The following OTOA variants were observed in gnomAD, a reference collection of about 807,000 sequenced individuals.
OTOA encodes the protein otoancorin.
Under a neutral mutation model 110.8 loss-of-function variants are expected in OTOA, and 70 were observed. That is an observed-to-expected ratio of 0.63 (90% CI 0.52 to 0.77). The LOEUF (loss-of-function observed/expected upper bound fraction) is 0.77. Ranked by LOEUF, OTOA falls within the 30% of genes least tolerant of loss-of-function variation. The probability of loss-of-function intolerance (pLI) is 0.00; values close to 1 mark genes in which losing one functional copy is unlikely to be tolerated. For synonymous variants in OTOA, 373 were observed against 431.5 expected (o/e 0.86, Z 1.68); for missense variants, 917 against 1,075.8 (o/e 0.85, Z 2.06).
intron 11 of OTOA, chr16:21,704,813 C>G: frequency 1.4e-6 from 1 of 711,402 alleles, no homozygotes; most frequent in Non-Finnish European, 2.6e-6. Flanking sequence ...GTTTTATAGG[C>G]GGAGGGTAAT....
intron 7 of OTOA, among the ~76,000 whole-genome samples, chr16:21,685,801 G>A (rs1188584754): frequency 6.6e-6 from 1 of 152,064 alleles, no homozygotes; most frequent in Non-Finnish European, 1.5e-5. Context: ...TGATTTGCCT[G>A]CCTCGGCATC....
chr16:21,682,268 C>T (rs183906848), intron 6 of OTOA, among the ~76,000 whole-genome samples: 1 of 152,282 alleles, frequency 6.6e-6, no homozygotes, highest in African/African-American at 2.4e-5. Flanking sequence ...TTTCTCCAAT[C>T]CAGGGGATGG....
chr16:21,721,622 C>A, intron 17 of OTOA: 1 of 395,356 alleles, frequency 2.5e-6, no homozygotes. Flanking sequence ...GTCACAATGA[C>A]TCATGCCTGT....
chr16:21,757,873 C>A (rs1900046489), intron 28 of OTOA, among the ~76,000 whole-genome samples: 1 of 152,140 alleles, frequency 6.6e-6, no homozygotes, highest in South Asian at 2.1e-4. Context: ...CCACCTCAGC[C>A]TCCCAAAGTG....
intron 1 of OTOA, among the ~76,000 whole-genome samples, chr16:21,666,932 T>C (rs918035844): frequency 6.6e-6 from 1 of 152,034 alleles, no homozygotes; most frequent in Non-Finnish European, 1.5e-5. Context: ...AACCTCTCTG[T>C]AGGGTTAATA....
chr16:21,691,487 C>A, intron 8 of OTOA, 97 bp from the exon 9 acceptor site: 2 of 994,506 alleles, frequency 2.0e-6, no homozygotes, highest in Non-Finnish European at 3.2e-6. Context: ...GGTTTTAACA[C>A]AAGACAGCTT....
intron 21 of OTOA, among the ~76,000 whole-genome samples, chr16:21,735,499 T>G (rs1899261956): frequency 6.6e-6 from 1 of 152,118 alleles, no homozygotes; most frequent in Admixed American, 6.6e-5. Flanking sequence ...TCAATAAGAT[T>G]TGGGTGGGGT....
chr16:21,701,712 G>A (rs1898056532), intron 11 of OTOA, among the ~76,000 whole-genome samples: 1 of 152,212 alleles, frequency 6.6e-6, no homozygotes, highest in Admixed American at 6.5e-5. Flanking sequence ...TCCACCTCCT[G>A]GGTTCAAGCA....
At chr16:21,717,654 G>T (rs1898599628) in intron 15 of OTOA, among the ~76,000 whole-genome samples, 1 of 152,116 alleles carries the variant, frequency 6.6e-6, no homozygotes, top group South Asian at 2.1e-4. Flanking sequence ...TGAGCATTGA[G>T]GCCGCTTGGG....
At chr16:21,715,242 C>T in intron 14 of OTOA, 90 bp downstream of exon 14, 1 of 1,556,700 alleles carries the variant, frequency 6.4e-7, no homozygotes, top group Non-Finnish European at 8.8e-7. Context: ...GGCCATGAAC[C>T]CAGGGCTGGG....
intron 13 of OTOA, among the ~76,000 whole-genome samples, chr16:21,711,100 C>T (rs1306752335): frequency 6.6e-6 from 1 of 152,196 alleles, no homozygotes; most frequent in Non-Finnish European, 1.5e-5. Flanking sequence ...GAAGCTAGAC[C>T]ACCAGGTGAC....
chr16:21,682,405 A>T (rs1012823134), intron 6 of OTOA, among the ~76,000 whole-genome samples: 4 of 152,238 alleles, frequency 2.6e-5, no homozygotes, highest in African/African-American at 9.6e-5. Flanking sequence ...GGAGCCATGT[A>T]CCCAACTAAA....
chr16:21,675,931 T>C (rs1365382066), intron 1 of OTOA, among the ~76,000 whole-genome samples: 1 of 152,216 alleles, frequency 6.6e-6, no homozygotes, highest in Non-Finnish European at 1.5e-5. Context: ...TATTTATTTA[T>C]TAAAAAATTT....
At chr16:21,712,800 G>T (rs532993802) in intron 13 of OTOA, among the ~76,000 whole-genome samples, 7 of 152,110 alleles carry the variant, frequency 4.6e-5, no homozygotes, top group South Asian at 4.2e-4. Context: ...AGCCGAGATC[G>T]CATCACTGAG....
rs138203070 is a variant in OTOA at position 21,694,346 on chromosome 16, G to T, written c.739+2659G>T. ...AGTCCCAGCTACCCTGGAGGCTGAGGGGGGGAGGATCCCTTGAACCTAGGA... is the reference window on the plus strand; with the variant it reads ...AGTCCCAGCTACCCTGGAGGCTGAGTGGGGGAGGATCCCTTGAACCTAGGA... On this transcript the variant is annotated intron_variant, in intron 9 of 28. Transcript: ENST00000646100. 9.6e-3 allele frequency among the ~76,000 whole-genome samples: 1,463 copies of T among 152,194 alleles called. 18 individuals carry two copies. Among genetic ancestry groups the T allele is most frequent in the African/African-American group, 0.033 (1,354 of 41,506 alleles).
At chr16:21,704,853 A>G (rs1356420458) in intron 11 of OTOA, 3 of 762,126 alleles carry the variant, frequency 3.9e-6, no homozygotes, top group African/African-American at 1.7e-5. Flanking sequence ...TCTTGCTACA[A>G]GGTGATGCTG....
chr16:21,736,104 G>A (rs957593164), intron 21 of OTOA, among the ~76,000 whole-genome samples, 157 bp from the exon 22 acceptor site: 24 of 152,080 alleles, frequency 1.6e-4, no homozygotes, highest in Non-Finnish European at 2.8e-4. Flanking sequence ...ATTCTTTATA[G>A]AGACCACATT....
At chr16:21,735,443 C>A (rs1353527136) in intron 21 of OTOA, among the ~76,000 whole-genome samples, 1 of 151,988 alleles carries the variant, frequency 6.6e-6, no homozygotes, top group East Asian at 1.9e-4. Context: ...CCCCATGATC[C>A]AATCACCTCT....
rs771417821 is a variant in OTOA, at chr16:21,728,324, G to C, written c.2100G>C (p.Gly700=). The C allele has an allele frequency of 3.7e-6, 6 of 1,614,092 alleles. No individual in the cohort carries two copies. In the South Asian group the frequency reaches 6.6e-5, roughly 18 times the overall value. ...TGCCGGCAGCCATCATCGACAGGGG[G>C]ATCTCCCCCAGGGCTTGGGCGACTG... ...CHLPAAIIDR[G]ISPRAWATAL... is the part of the protein sequence containing the mutation. Residue 700 remains glycine (G), a synonymous_variant, in exon 20 of 29, where the codon GGG becomes GGC. Transcript: ENST00000646100.
Sources: allele counts gnomAD v4.1 joint callset (sites outside exome capture counted in the v4.1 genomes callset), GRCh38; gene constraint gnomAD v4.1.1; transcripts MANE v1.5; gene names NCBI Gene and HGNC (gene_info 2026-07-23, HGNC 2026-07-21).